The following TG variants were observed in gnomAD, a reference collection of about 807,000 sequenced individuals.
The protein encoded by TG is thyroid hormones.
TG carries 270 observed loss-of-function variants against 324.7 expected under a neutral mutation model. The ratio of observed to expected loss-of-function variants is 0.83; its 90% CI spans 0.75 to 0.92. TG has a LOEUF of 0.92. Ranked by LOEUF, TG falls within the 40% of genes least tolerant of loss-of-function variation. TG has a pLI of 0.00. For missense variants in TG, 3,591 were observed against 3,456.4 expected (o/e 1.04, Z -0.98); for synonymous variants, 1,401 against 1,327.0 (o/e 1.06, Z -1.21).
rs1389253443 is a variant in TG, at chr8:132,888,067, A to G, written c.2260A>G (p.Thr754Ala). 1.2e-6 allele frequency: 2 copies of G among 1,613,906 alleles called. No homozygotes were observed. The highest frequency in any genetic ancestry group is 1.7e-6 in the Non-Finnish European group (2 of 1,179,966). ...GCTCTCTAACTCCAGCATGCTACCCACCCTTTCCGACACCTACATCCCACA... is the reference window on the plus strand; with the variant it reads ...GCTCTCTAACTCCAGCATGCTACCCGCCCTTTCCGACACCTACATCCCACA... ...ALLSNSSMLP[T>A]LSDTYIPQCS... The change falls in exon 10 of 48, where the codon ACC (threonine) becomes GCC (alanine). Residue 754 changes from threonine (T) to alanine (A), a missense_variant. By Grantham distance (58) the Thr-to-Ala change is moderately conservative. Coordinates refer to ENST00000220616, the MANE Select transcript of TG (RefSeq NM_003235.5).
chr8:132,938,945 G>A (rs1375191694), intron 25 of TG, among the ~76,000 whole-genome samples: 1 of 151,644 alleles, frequency 6.6e-6, no homozygotes, highest in African/African-American at 2.4e-5. Flanking sequence ...CCAGCTACTC[G>A]GGAGGCTGAG....
At position 132,897,755 on chromosome 8, in the gene TG, T is replaced by A. The variant is rs868451714; in HGVS notation, c.3108T>A (p.Ser1036Arg). The change falls in exon 12 of 48, where the codon AGT becomes AGA. Residue 1036 changes from serine (S) to arginine (R), a missense_variant. Ser to Arg is a moderately radical substitution (Grantham distance 110). Coordinates refer to ENST00000220616, the MANE Select transcript of TG (RefSeq NM_003235.5). Reference protein sequence around the residue: ...PYMPQCDAFGSWEPVQCHAGT... With the variant: ...PYMPQCDAFGRWEPVQCHAGT... ...TGCCACAGTGTGATGCGTTTGGAAGTTGGGAGCCTGTGCAGTGCCACGCTG... is the reference window on the plus strand; with the variant it reads ...TGCCACAGTGTGATGCGTTTGGAAGATGGGAGCCTGTGCAGTGCCACGCTG... 1 of 1,614,202 alleles carries A rather than the reference T, an allele frequency of 6.2e-7. No individual in the cohort carries two copies. The highest frequency in any genetic ancestry group is 8.5e-7 in the Non-Finnish European group (1 of 1,180,028).
rs768854927 is a variant in TG, at chr8:132,961,038, C to A, written c.5432C>A (p.Thr1811Asn). The change falls in exon 28 of 48, where the codon ACC (threonine) becomes AAC (asparagine). Residue 1811 changes from threonine to asparagine, a missense_variant. Transcript: ENST00000220616. The stretch of plus-strand genomic sequence containing the variant: ...ACACCCTTAGAAGGAACTCAAGACA[C>A]CTTTACCAATTTTCAGCAGGTTTAT... ...SLTPLEGTQD[T>N]FTNFQQVYLW... 2 of 1,614,068 alleles carry A rather than the reference C, an allele frequency of 1.2e-6. No homozygotes were observed. The highest frequency in any genetic ancestry group is 1.7e-4 in the Middle Eastern group (1 of 6,060).
chr8:132,898,225 C>T lies in TG; in HGVS notation c.3196C>T (p.Arg1066Cys), dbSNP rs200122163. 3.7e-5 allele frequency: 59 copies of T among 1,602,806 alleles called. No homozygotes were observed. The Admixed American group carries it at 5.4e-4, about 15-fold the overall frequency. Residue 1066 changes from arginine to cysteine, a missense_variant, in exon 13 of 48, where the codon CGC (arginine) becomes TGC (cysteine). Arg to Cys is a radical substitution (Grantham distance 180). Coordinates refer to ENST00000220616, the MANE Select transcript of TG (RefSeq NM_003235.5). ...GTTCATCCCTGGCTCACTGACTGCC[C>T]GCTCTCTGCAGATTCCACAGTGTAA... ...GGFIPGSLTA[R>C]SLQIPQCPTT...
At position 132,887,167 on chromosome 8, in the gene TG, A is replaced by G. The variant is rs1417120648; in HGVS notation, c.1795A>G (p.Met599Val). The G allele has an allele frequency of 6.2e-7, 1 of 1,614,190 alleles. No individual in the cohort carries two copies. Among genetic ancestry groups the G allele is most frequent in the South Asian group, 1.1e-5 (1 of 91,086 alleles). Reference protein sequence around the residue: ...EDVARDLGDVMETVLSSQTCE... With the variant: ...EDVARDLGDVVETVLSSQTCE... ...TGTGGCAAGAGATTTAGGTGATGTGATGGAAACGGTACTCAGCTCCCAGAC... is the reference window on the plus strand; with the variant it reads ...TGTGGCAAGAGATTTAGGTGATGTGGTGGAAACGGTACTCAGCTCCCAGAC... The change falls in exon 9 of 48, where the codon ATG (methionine) becomes GTG (valine). Residue 599 changes from methionine to valine, a missense_variant. Coordinates refer to ENST00000220616, the MANE Select transcript of TG (RefSeq NM_003235.5).
In TG at chr8:132,886,854, A is replaced by T; in HGVS notation, c.1482A>T (p.Thr494=). The part of the protein sequence containing the change: ...NLSGALGTRG[T]FNFSQFFQQL... ...CTGGAGCCCTTGGCACAAGAGGCAC[A>T]TTTAACTTCAGTCAATTTTTCCAGC... The change falls in exon 9 of 48, where the codon ACA becomes ACT. Residue 494 remains threonine, a synonymous_variant. Transcript: ENST00000220616. 1 of 1,614,204 alleles carries T rather than the reference A, an allele frequency of 6.2e-7. No individual in the cohort carries two copies. Among genetic ancestry groups the T allele is most frequent in the Non-Finnish European group, 8.5e-7 (1 of 1,180,042 alleles).
At chr8:132,933,348 C>G (rs113674111) in intron 23 of TG, among the ~76,000 whole-genome samples, 580 of 4,156 alleles carry the variant, frequency 0.14, no homozygotes, top group South Asian at 0.23. Flanking sequence ...ATTTGTGTGT[C>G]TTTGTGTGTT....
intron 35 of TG, among the ~76,000 whole-genome samples, chr8:132,999,474 C>T (rs540434532): frequency 6.6e-6 from 1 of 152,296 alleles, no homozygotes; most frequent in Non-Finnish European, 1.5e-5. Context: ...AAAAAGCATA[C>T]AAACTCCCTG....
At chr8:133,001,509 G>A (rs1833494243) in intron 35 of TG, among the ~76,000 whole-genome samples, 1 of 152,210 alleles carries the variant, frequency 6.6e-6, no homozygotes, top group Non-Finnish European at 1.5e-5. Context: ...TTACAAGGAT[G>A]TCTTTATTTG....
At chr8:133,085,336 A>G (rs1846351343) in intron 41 of TG, among the ~76,000 whole-genome samples, 1 of 152,250 alleles carries the variant, frequency 6.6e-6, no homozygotes, top group Non-Finnish European at 1.5e-5. Context: ...AGGCAGCAAA[A>G]GAAAAAATAG....
At position 132,911,421 on chromosome 8, in the gene TG, C is replaced by T; in HGVS notation, c.4047C>T (p.Asn1349=). 12 of 1,614,110 alleles carry T rather than the reference C, an allele frequency of 7.4e-6. No homozygotes were observed. Among genetic ancestry groups the T allele is most frequent in the Non-Finnish European group, 1.0e-5 (12 of 1,179,936 alleles). ...GTLVSIPVCN[N]SSVQVGCLTR... The stretch of plus-strand genomic sequence containing the variant: ...TGGTTTCCATTCCTGTCTGCAACAA[C>T]TCCTCTGTGCAGGTGGGTTGTCTGA... Residue 1349 remains asparagine, a synonymous_variant, in exon 19 of 48, where the codon AAC becomes AAT. Coordinates refer to ENST00000220616, the MANE Select transcript of TG (RefSeq NM_003235.5).
intron 45 of TG, among the ~76,000 whole-genome samples, chr8:133,130,880 T>G (rs1851890854): frequency 6.8e-6 from 1 of 146,210 alleles, no homozygotes; most frequent in Non-Finnish European, 1.5e-5. Context: ...GGAGAAGGAC[T>G]AATCCCCAGT....
intron 35 of TG, among the ~76,000 whole-genome samples, chr8:132,999,317 TAAA>T (rs71518145): frequency 6.0e-5 from 9 of 149,376 alleles, no homozygotes; most frequent in Middle Eastern, 3.2e-3. Context: ...TAAGAATAAT[TAAA>T]AAAAAAAACT....
At position 133,096,389 on chromosome 8, in the gene TG, G is replaced by A; in HGVS notation, c.7572+16G>A. On this transcript the variant is annotated intron_variant, in intron 43 of 47. Coordinates refer to ENST00000220616, the MANE Select transcript of TG (RefSeq NM_003235.5). Reference sequence around the variant, plus strand: ...GGCTGTGAAGGTAAGCAGGGAGGGGGCCTCGGATGTCTCCAGCTGGGCATT... The same window carrying A: ...GGCTGTGAAGGTAAGCAGGGAGGGGACCTCGGATGTCTCCAGCTGGGCATT... 2 of 1,614,040 alleles carry A rather than the reference G, an allele frequency of 1.2e-6. No individual in the cohort carries two copies. Among genetic ancestry groups the A allele is most frequent in the South Asian group, 1.1e-5 (1 of 91,074 alleles).
At chr8:132,972,874 TC>T in intron 34 of TG, 133 bp downstream of exon 34, 1 of 1,199,006 alleles carries the variant, frequency 8.3e-7, no homozygotes, top group Non-Finnish European at 1.2e-6. Context: ...AGAAATAGAT[TC>T]TGTTTAACTT....
At chr8:133,071,980 T>C (rs769458332) in intron 41 of TG, among the ~76,000 whole-genome samples, 1 of 152,198 alleles carries the variant, frequency 6.6e-6, no homozygotes, top group Non-Finnish European at 1.5e-5. Flanking sequence ...ATAAACTGCC[T>C]GGCACAGTAT....
At chr8:132,986,397 T>C (rs1831551417) in intron 35 of TG, among the ~76,000 whole-genome samples, 2 of 107,790 alleles carry the variant, frequency 1.9e-5, no homozygotes, top group Admixed American at 1.7e-4. Flanking sequence ...TATATGTGTA[T>C]ATATATGTAT....
intron 11 of TG, among the ~76,000 whole-genome samples, chr8:132,896,288 A>G (rs973336251): frequency 9.9e-5 from 15 of 152,242 alleles, no homozygotes; most frequent in African/African-American, 3.6e-4. Flanking sequence ...GAGGCCTGGC[A>G]GACTCCAGAA....
intron 26 of TG, among the ~76,000 whole-genome samples, chr8:132,947,024 TC>T (rs1825414546): frequency 1.3e-5 from 2 of 152,174 alleles, no homozygotes; most frequent in African/African-American, 4.8e-5. Flanking sequence ...CCTCGAACTC[TC>T]CTGGGCTCTG....
Sources: allele counts gnomAD v4.1 joint callset (sites outside exome capture counted in the v4.1 genomes callset), GRCh38; gene constraint gnomAD v4.1.1; transcripts MANE v1.5; gene names NCBI Gene and HGNC (gene_info 2026-07-23, HGNC 2026-07-21).